Variants in ZCCHC24 observed in about 807,000 individuals in gnomAD.
ZCCHC24 encodes the protein zinc finger CCHC domain-containing protein 24.
ZCCHC24 carries 10 observed loss-of-function variants against 26.2 expected under a neutral mutation model. The observed-to-expected ratio is 0.38, with a 90% CI of 0.24 to 0.65. The LOEUF (loss-of-function observed/expected upper bound fraction) is 0.65, where lower values mean the gene tolerates loss of function less well. ZCCHC24 is among the 30% of genes least tolerant of loss of function. ZCCHC24 has a pLI of 0.54. For missense variants in ZCCHC24, 243 were observed against 329.1 expected (o/e 0.74, Z 2.03); for synonymous variants, 144 against 147.1 (o/e 0.98, Z 0.15).
At position 79,384,960 on chromosome 10, in the gene ZCCHC24, C is replaced by G. The variant is rs1856369059; in HGVS notation, c.*1385G>C. The G allele has an allele frequency of 6.6e-6, 1 of 152,214 alleles. No individual in the cohort carries two copies. Among genetic ancestry groups the G allele is most frequent in the African/African-American group, 2.4e-5 (1 of 41,418 alleles). 9.4% of individuals were successfully genotyped at this position (152,214 alleles called of 1,614,324 possible). On this transcript the variant is annotated 3_prime_UTR_variant, in exon 4 of 4. Transcript: ENST00000372336. ...GAGGAGCGCACGATCCCGCCGCCAG[C>G]CAGGACAGTGGGCTCCCTGGCCACG...
intron 1 of ZCCHC24, chr10:79,444,303 CCTGGAGACTCTTCAAAAAGGG>C (rs1314942919): frequency 7.3e-7 from 1 of 1,375,376 alleles, no homozygotes; most frequent in Non-Finnish European, 9.4e-7. Context: ...CTGGGCAGGC[CCTGGAGACTCTTCAAAAAGGG>C]CTGGGAGGTG....
intron 2 of ZCCHC24, among the ~76,000 whole-genome samples, chr10:79,407,453 G>A (rs943857221): frequency 6.6e-5 from 10 of 152,210 alleles, no homozygotes; most frequent in African/African-American, 1.2e-4. Flanking sequence ...ACGAGAGCAC[G>A]CACAGGACCA....
chr10:79,443,429 T>C (rs1857315367), intron 1 of ZCCHC24, among the ~76,000 whole-genome samples: 2 of 152,178 alleles, frequency 1.3e-5, no homozygotes. Context: ...AGAGGTTGAT[T>C]AGGGGTCCAC....
intron 2 of ZCCHC24, among the ~76,000 whole-genome samples, chr10:79,396,281 G>A (rs1856545741): frequency 6.6e-6 from 1 of 152,210 alleles, no homozygotes; most frequent in African/African-American, 2.4e-5. Context: ...TGTTTCTAAT[G>A]TTTGACTATT....
chr10:79,442,101 G>A (rs905937236), intron 1 of ZCCHC24, among the ~76,000 whole-genome samples: 2 of 152,218 alleles, frequency 1.3e-5, no homozygotes, highest in Non-Finnish European at 1.5e-5. Context: ...AGAGAGAGAA[G>A]GGGCTCAGCC....
chr10:79,421,882 T>A (rs11002971), intron 2 of ZCCHC24, among the ~76,000 whole-genome samples: 1 of 152,006 alleles, frequency 6.6e-6, no homozygotes, highest in East Asian at 1.9e-4. Context: ...GCTCACCTCG[T>A]CCTCCCAAAG....
At chr10:79,426,494 A>C (rs1339321179) in intron 2 of ZCCHC24, among the ~76,000 whole-genome samples, 1 of 152,244 alleles carries the variant, frequency 6.6e-6, no homozygotes, top group Non-Finnish European at 1.5e-5. Flanking sequence ...CAGGATAAAC[A>C]TAAAGAGATC....
chr10:79,435,984 A>G (rs1000251346), intron 1 of ZCCHC24, among the ~76,000 whole-genome samples: 8 of 152,078 alleles, frequency 5.3e-5, no homozygotes, highest in Non-Finnish European at 1.0e-4. Flanking sequence ...TGTAAAATGG[A>G]GCGGGGAAGG....
At chr10:79,399,092 T>TCCAGCCCAC (rs1476330148) in intron 2 of ZCCHC24, among the ~76,000 whole-genome samples, 1 of 152,042 alleles carries the variant, frequency 6.6e-6, no homozygotes, top group Admixed American at 6.5e-5. Flanking sequence ...CTCAGCCCAG[T>TCCAGCCCAC]CCAGTGTCAG....
At chr10:79,410,680 C>T (rs958728049) in intron 2 of ZCCHC24, among the ~76,000 whole-genome samples, 4 of 150,736 alleles carry the variant, frequency 2.7e-5, no homozygotes, top group African/African-American at 7.3e-5. Flanking sequence ...GCTGAAAATG[C>T]GAAAGTCTGC....
chr10:79,440,753 C>T (rs750145729), intron 1 of ZCCHC24, among the ~76,000 whole-genome samples: 23 of 152,172 alleles, frequency 1.5e-4, no homozygotes, highest in Non-Finnish European at 1.6e-4. Flanking sequence ...CATCTCCTCC[C>T]GGAGCCCTCC....
At chr10:79,427,545 A>G (rs1857048911) in intron 2 of ZCCHC24, among the ~76,000 whole-genome samples, 1 of 152,284 alleles carries the variant, frequency 6.6e-6, no homozygotes, top group Middle Eastern at 3.4e-3. Context: ...TGTGGGAAAC[A>G]CGCAAATATG....
chr10:79,402,307 G>A (rs1301854430), intron 2 of ZCCHC24, among the ~76,000 whole-genome samples: 1 of 151,622 alleles, frequency 6.6e-6, no homozygotes, highest in Non-Finnish European at 1.5e-5. Context: ...ACGGAGTCTC[G>A]CTCTGTCACC....
intron 2 of ZCCHC24, among the ~76,000 whole-genome samples, chr10:79,424,561 T>C (rs1171860624): frequency 1.3e-5 from 2 of 152,200 alleles, no homozygotes; most frequent in Non-Finnish European, 2.9e-5. Flanking sequence ...CATCAGTCCC[T>C]ATCCATGTTC....
At chr10:79,402,724 CAG>C (rs1232041466) in intron 2 of ZCCHC24, among the ~76,000 whole-genome samples, 1 of 152,208 alleles carries the variant, frequency 6.6e-6, no homozygotes, top group Non-Finnish European at 1.5e-5. Context: ...AACTGAGGTA[CAG>C]AGAGGCCAAG....
intron 2 of ZCCHC24, among the ~76,000 whole-genome samples, chr10:79,424,766 C>A (rs556938045): frequency 6.6e-6 from 1 of 152,220 alleles, no homozygotes; most frequent in African/African-American, 2.4e-5. Context: ...ACTCCTCCCC[C>A]AGGAGCGCCT....
At chr10:79,412,042 T>C (rs1414935054) in intron 2 of ZCCHC24, among the ~76,000 whole-genome samples, 1 of 152,184 alleles carries the variant, frequency 6.6e-6, no homozygotes, top group African/African-American at 2.4e-5. Context: ...TGGGGAGTCT[T>C]GGCTTTTAGA....
chr10:79,403,436 C>A, intron 2 of ZCCHC24: 1 of 985,458 alleles, frequency 1.0e-6, no homozygotes, highest in Non-Finnish European at 1.2e-6. Flanking sequence ...TCCACATGCA[C>A]GGCCGGGGGA....
intron 3 of ZCCHC24, among the ~76,000 whole-genome samples, chr10:79,386,926 C>A (rs983624587): frequency 6.6e-6 from 1 of 152,158 alleles, no homozygotes; most frequent in African/African-American, 2.4e-5. Flanking sequence ...GAAACCCAGG[C>A]CCACAGCAAC....
Sources: gnomAD v4.1 joint callset for allele counts (sites outside exome capture counted in the v4.1 genomes callset) on GRCh38, gnomAD v4.1.1 for gene constraint, MANE v1.5 for transcripts, NCBI Gene and HGNC (gene_info 2026-07-23, HGNC 2026-07-21) for gene names.